LYSMD1: variants seen among roughly 807,000 people sequenced by gnomAD.
LYSMD1 encodes lysM and putative peptidoglycan-binding domain-containing protein 1.
A neutral mutation model predicts 19.3 loss-of-function variants in LYSMD1; 9 were observed. That is an observed-to-expected ratio of 0.47 (90% CI 0.28 to 0.81). The LOEUF is 0.81. Ranked by LOEUF, LYSMD1 falls within the 40% of genes least tolerant of loss-of-function variation. The pLI is 0.11. For synonymous variants in LYSMD1, 111 were observed against 111.7 expected, an observed-to-expected ratio of 0.99 and a Z score of 0.04; for missense variants, 262 against 279.8, an observed-to-expected ratio of 0.94 and a Z score of 0.45.
chr1:151,150,002 G>T, the LYSMD1 span, among the ~76,000 whole-genome samples: 2 of 152,212 alleles, frequency 1.3e-5, no homozygotes, highest in Non-Finnish European at 2.9e-5. Context: ...AATGCCATCC[G>T]TATCACCTGT....
downstream of LYSMD1, chr1:151,158,546 G>A: frequency 1.3e-6 from 1 of 746,098 alleles, no homozygotes; most frequent in Non-Finnish European, 2.2e-6. Context: ...AGGACTGAGG[G>A]GCCCCAGGGG....
At chr1:151,164,758 A>T (rs1324761970) in intron 1 of LYSMD1, among the ~76,000 whole-genome samples, 1 of 152,214 alleles carries the variant, frequency 6.6e-6, no homozygotes. Context: ...AAACTGGTTA[A>T]CCAATCCAAG....
chr1:151,156,940 T>C (rs1683242065), downstream of LYSMD1, among the ~76,000 whole-genome samples: 2 of 152,072 alleles, frequency 1.3e-5, no homozygotes. Flanking sequence ...TGCAGGTGGA[T>C]CCACATCCAT....
At position 151,161,928 on chromosome 1, in the gene LYSMD1, G is replaced by A. The variant is rs772366935; in HGVS notation, c.353C>T (p.Pro118Leu). 4.3e-6 allele frequency: 7 copies of A among 1,613,984 alleles called. No individual in the cohort carries two copies. In the South Asian group the frequency reaches 7.7e-5, roughly 18 times the overall value. Residue 118 changes from proline to leucine, a missense_variant, in exon 2 of 3, where the codon CCA (proline) becomes CTA (leucine). Pro to Leu is a moderately conservative substitution (Grantham distance 98). Transcript: ENST00000368908. ...TTGTTTCTTCCTCTCAGTTGAGTGT[G>A]GCCAAACTTCACTGTTACTTGGGTG... ...KVHPSNSEVW[P>L]HSTERKKQET... is the part of the protein sequence containing the mutation.
At chr1:151,158,865 C>A (rs200457523), downstream of LYSMD1, 1 of 1,614,228 alleles carries the variant, frequency 6.2e-7, no homozygotes. Context: ...GGCCCCAGGC[C>A]CAGCGCGTGA....
chr1:151,163,101 T>C (rs892170261), intron 1 of LYSMD1, among the ~76,000 whole-genome samples: 2 of 152,150 alleles, frequency 1.3e-5, no homozygotes, highest in African/African-American at 4.8e-5. Flanking sequence ...TCTTTGAACA[T>C]TCCATGATCT....
downstream of LYSMD1, among the ~76,000 whole-genome samples, chr1:151,156,879 G>A (rs923518002): frequency 6.6e-6 from 1 of 152,186 alleles, no homozygotes; most frequent in African/African-American, 2.4e-5. Context: ...TGGTGGCAAG[G>A]CAGCCTCTGA....
downstream of LYSMD1, chr1:151,158,943 T>G (rs1419813451): frequency 6.2e-7 from 1 of 1,614,150 alleles, no homozygotes; most frequent in East Asian, 2.2e-5. Context: ...TTGGCCCCAG[T>G]GAGCTGGCCC....
the LYSMD1 span, among the ~76,000 whole-genome samples, chr1:151,150,933 T>G: frequency 6.6e-6 from 1 of 151,682 alleles, no homozygotes; most frequent in African/African-American, 2.4e-5. Context: ...GAGACAGGGT[T>G]TCGCCATGTT....
chr1:151,159,676 C>G (rs1271986654), downstream of LYSMD1: 3 of 200,774 alleles, frequency 1.5e-5, no homozygotes, highest in African/African-American at 7.0e-5. Context: ...GCCAGAGGCT[C>G]TGTTCCAGAG....
downstream of LYSMD1, chr1:151,158,719 A>G (rs1274263207): frequency 6.2e-7 from 1 of 1,606,736 alleles, no homozygotes. Context: ...CAGCTCAAAG[A>G]GCCTGGCACT....
At chr1:151,156,371 C>T (rs772143481), downstream of LYSMD1, among the ~76,000 whole-genome samples, 56 of 152,296 alleles carry the variant, frequency 3.7e-4, no homozygotes, top group Non-Finnish European at 6.9e-4. Flanking sequence ...TTGGGCTTTA[C>T]ATCCTTCCCA....
chr1:151,151,360 T>TTC, the LYSMD1 span, among the ~76,000 whole-genome samples: 2 of 151,102 alleles, frequency 1.3e-5, no homozygotes, highest in Non-Finnish European at 3.0e-5. Flanking sequence ...CAGCTAATTT[T>TTC]TTTTTTTTTT....
At chr1:151,156,897 G>A (rs1334973169), downstream of LYSMD1, among the ~76,000 whole-genome samples, 1 of 152,190 alleles carries the variant, frequency 6.6e-6, no homozygotes, top group Admixed American at 6.5e-5. Context: ...TGAAAGACCT[G>A]GTTTTGGATG....
intron 1 of LYSMD1, among the ~76,000 whole-genome samples, chr1:151,162,436 A>T (rs1683489845): frequency 6.6e-6 from 1 of 152,160 alleles, no homozygotes. Context: ...TAAAAATTAA[A>T]AAATTAAAAA....
At chr1:151,159,216 C>T (rs148681307), downstream of LYSMD1, 61 of 1,613,764 alleles carry the variant, frequency 3.8e-5, no homozygotes, top group East Asian at 1.3e-4. Flanking sequence ...AGATCTGTGA[C>T]GGACTCAGGA....
At chr1:151,157,294 C>T (rs1005888525), downstream of LYSMD1, among the ~76,000 whole-genome samples, 59 of 152,208 alleles carry the variant, frequency 3.9e-4, no homozygotes, top group African/African-American at 1.4e-3. Flanking sequence ...AAAAAACCCC[C>T]ACAGTCTCCA....
intron 1 of LYSMD1, among the ~76,000 whole-genome samples, chr1:151,163,465 AT>A (rs1299621845): frequency 6.6e-6 from 1 of 152,128 alleles, no homozygotes; most frequent in Non-Finnish European, 1.5e-5. Flanking sequence ...TTATGTAATT[AT>A]TATCATAATT....
In LYSMD1 at chr1:151,160,315, T is replaced by G. The variant is rs1439630171; in HGVS notation, c.*567A>C. 6.9e-6 allele frequency: 1 copy of G among 144,338 alleles called. No homozygotes were observed. The allele number at this position is 144,338 out of a possible 1,614,324, so 8.9% of individuals were successfully genotyped here. A position where few individuals can be genotyped will look rare whatever the true frequency, so the allele number is the denominator to read the frequency against. On this transcript the variant is annotated 3_prime_UTR_variant, in exon 3 of 3. Coordinates refer to ENST00000368908, the MANE Select transcript of LYSMD1 (RefSeq NM_212551.5). ...AAAAGGCCAACAGTCATCCATTCTC[T>G]GTGGTGGGCTATATCACCGATTGCC...
Sources: gnomAD v4.1 joint callset for allele counts (sites outside exome capture counted in the v4.1 genomes callset) on GRCh38, gnomAD v4.1.1 for gene constraint, MANE v1.5 for transcripts, NCBI Gene and HGNC (gene_info 2026-07-23, HGNC 2026-07-21) for gene names.